The following APOOL variants were observed in gnomAD, a reference collection of about 807,000 sequenced individuals.
The protein encoded by APOOL is MICOS complex subunit MIC27.
Under a neutral mutation model 23.1 loss-of-function variants are expected in APOOL, and 12 were observed. The ratio of observed to expected loss-of-function variants is 0.52; its 90% CI spans 0.33 to 0.84. The LOEUF (loss-of-function observed/expected upper bound fraction) is 0.84. APOOL is among the 40% of genes least tolerant of loss of function. The probability of loss-of-function intolerance (pLI) is 0.02; values close to 1 mark genes in which losing one functional copy is unlikely to be tolerated. For synonymous variants in APOOL, 77 were observed against 69.9 expected (o/e 1.10, Z -0.51); for missense variants, 212 against 199.6 (o/e 1.06, Z -0.37).
intron 1 of APOOL, among the ~76,000 whole-genome samples, chrX:85,039,251 C>T (rs1362096218): frequency 1.8e-5 from 2 of 108,184 alleles, no homozygotes; most frequent in African/African-American, 6.8e-5. Context: ...TTTTTAATTG[C>T]ACGTGGTCTG....
chrX:85,042,974 A>G (rs770412495), intron 1 of APOOL, among the ~76,000 whole-genome samples: 9 of 112,152 alleles, frequency 8.0e-5, no homozygotes, highest in Non-Finnish European at 1.7e-4. Flanking sequence ...AGTATTCTGT[A>G]AATCAGTATT....
At chrX:85,086,911 A>G (rs1440158419) in intron 8 of APOOL, among the ~76,000 whole-genome samples, 5 of 107,502 alleles carry the variant, frequency 4.7e-5, no homozygotes, top group African/African-American at 6.8e-5. Context: ...GTGTTAGCCA[A>G]GATGGTCTTG....
intron 5 of APOOL, among the ~76,000 whole-genome samples, chrX:85,058,924 C>T (rs749343575): frequency 8.2e-4 from 90 of 109,658 alleles, no homozygotes; most frequent in South Asian, 2.0e-3. Flanking sequence ...ATGTGCACAA[C>T]GTGCAGGTTT....
chrX:85,051,347 C>T, intron 2 of APOOL, 42 bp from the exon 3 acceptor site: 3 of 1,200,321 alleles, frequency 2.5e-6, no homozygotes, highest in Non-Finnish European at 3.4e-6. Flanking sequence ...ATGGACAGTC[C>T]AGCTATTTTA....
intron 1 of APOOL, among the ~76,000 whole-genome samples, chrX:85,041,520 C>T (rs1383029735): frequency 3.6e-5 from 4 of 111,529 alleles, no homozygotes; most frequent in African/African-American, 9.8e-5. Flanking sequence ...GCCTGCAGTC[C>T]GTCCATTCCT....
At position 85,089,080 on chromosome X, in the gene APOOL, T is replaced by C. The variant is rs1487174324; in HGVS notation, c.*1402T>C. The C allele has an allele frequency of 3.6e-5, 4 of 111,586 alleles. No homozygotes were observed. The highest frequency in any genetic ancestry group is 7.5e-5 in the Non-Finnish European group (4 of 53,128). 9.2% of individuals were successfully genotyped at this position (111,586 alleles called of 1,213,427 possible). A position where few individuals can be genotyped will look rare whatever the true frequency, so the allele number is the denominator to read the frequency against. The stretch of plus-strand genomic sequence containing the variant: ...CTTTTTTCCCTACTTTCAAGTCCTC[T>C]CTGTCTTGTGACATTCTGGCCTCCA... On this transcript the variant is annotated 3_prime_UTR_variant, in exon 9 of 9. Transcript: ENST00000373173.
chrX:85,075,815 C>T (rs1481379647), intron 8 of APOOL, among the ~76,000 whole-genome samples: 1 of 111,630 alleles, frequency 9.0e-6, no homozygotes, highest in Non-Finnish European at 1.9e-5. Context: ...TCTATGGAGA[C>T]AATGCAGAGG....
At chrX:85,006,897 C>T (rs1921099363) in intron 1 of APOOL, among the ~76,000 whole-genome samples, 1 of 111,823 alleles carries the variant, frequency 8.9e-6, no homozygotes, top group African/African-American at 3.3e-5. Flanking sequence ...AACCTGGACT[C>T]TTAACCATAC....
At chrX:85,004,693 T>C (rs185743104) in intron 1 of APOOL, among the ~76,000 whole-genome samples, 154 of 112,175 alleles carry the variant, frequency 1.4e-3, no homozygotes, top group African/African-American at 4.7e-3. Flanking sequence ...TCTGAGTTAT[T>C]TGAACAACCT....
chrX:85,004,521 A>G (rs933859583), intron 1 of APOOL, among the ~76,000 whole-genome samples: 3 of 112,369 alleles, frequency 2.7e-5, no homozygotes, highest in East Asian at 5.6e-4. Context: ...AGCTTGCTGC[A>G]GTTCCCTAAG....
At chrX:85,007,246 G>A (rs1921110387) in intron 1 of APOOL, among the ~76,000 whole-genome samples, 1 of 111,625 alleles carries the variant, frequency 9.0e-6, no homozygotes, top group African/African-American at 3.3e-5. Context: ...GGCTCTAGTA[G>A]TGACTTTCTC....
intron 8 of APOOL, chrX:85,080,540 TGTG>T (rs1410656908): frequency 8.9e-6 from 1 of 111,907 alleles, no homozygotes; most frequent in African/African-American, 3.2e-5. Flanking sequence ...ATAAGTATAA[TGTG>T]GTGCTGAGAA....
At chrX:85,015,651 C>G (rs1426511926) in intron 1 of APOOL, among the ~76,000 whole-genome samples, 1 of 108,630 alleles carries the variant, frequency 9.2e-6, no homozygotes, top group Non-Finnish European at 1.9e-5. Flanking sequence ...TCACTGCAAC[C>G]TCCGCCTCCC....
chrX:85,050,517 T>C (rs1323975135), intron 2 of APOOL, among the ~76,000 whole-genome samples: 2 of 109,216 alleles, frequency 1.8e-5, no homozygotes, highest in Non-Finnish European at 3.8e-5. Context: ...CTAGTTCCCT[T>C]GATGTTGATT....
At chrX:85,049,642 C>T (rs773050448) in intron 2 of APOOL, among the ~76,000 whole-genome samples, 1 of 110,270 alleles carries the variant, frequency 9.1e-6, no homozygotes, top group South Asian at 3.9e-4. Context: ...AAAAATTAGC[C>T]GGGTTTGTTG....
chrX:85,053,766 C>G (rs1297113532), intron 3 of APOOL, among the ~76,000 whole-genome samples: 1 of 111,426 alleles, frequency 9.0e-6, no homozygotes. Context: ...GATGTATTAA[C>G]ATAGTTTTGA....
chrX:85,072,756 C>T lies in APOOL; in HGVS notation c.487-1242C>T, dbSNP rs1358655111. Among the ~76,000 whole-genome samples, 3 of 111,625 alleles carry T rather than the reference C, an allele frequency of 2.7e-5. No individual in the cohort carries two copies. In the East Asian group the frequency reaches 8.4e-4, roughly 31 times the overall value. On this transcript the variant is annotated intron_variant, in intron 6 of 8. Transcript: ENST00000373173. ...AATATAGAACCGTGCCTTTGAAATACTGTCAAGCTTTTAAAAAAATCATAT... is the reference window on the plus strand; with the variant it reads ...AATATAGAACCGTGCCTTTGAAATATTGTCAAGCTTTTAAAAAAATCATAT...
At chrX:85,082,474 C>T (rs979067529) in intron 8 of APOOL, among the ~76,000 whole-genome samples, 1 of 110,960 alleles carries the variant, frequency 9.0e-6, no homozygotes, top group Non-Finnish European at 1.9e-5. Flanking sequence ...CCTGATCCTT[C>T]TTCTGGAAGC....
chrX:85,016,618 G>A (rs1397696373), intron 1 of APOOL, among the ~76,000 whole-genome samples: 3 of 101,487 alleles, frequency 3.0e-5, no homozygotes, highest in Non-Finnish European at 6.0e-5. Context: ...CCTCTAGGCT[G>A]CGTTCCTGTT....
Sources: allele counts gnomAD v4.1 joint callset (sites outside exome capture counted in the v4.1 genomes callset), GRCh38; gene constraint gnomAD v4.1.1; transcripts MANE v1.5; gene names NCBI Gene and HGNC (gene_info 2026-07-23, HGNC 2026-07-21).